The following SIN3A variants were observed in gnomAD, a reference collection of about 807,000 sequenced individuals.
SIN3A encodes SIN3 transcription regulator family member A, also known as paired amphipathic helix protein Sin3a.
Under a neutral mutation model 146.1 loss-of-function variants are expected in SIN3A, and 14 were observed. That is an observed-to-expected ratio of 0.10 (90% CI 0.06 to 0.15). SIN3A has a LOEUF of 0.15. Among genes scored for constraint, SIN3A ranks in the 10% least tolerant of loss-of-function variants. The pLI is 1.00. For missense variants in SIN3A, 1,028 were observed against 1,576.0 expected, an observed-to-expected ratio of 0.65 and a Z score of 5.89; for synonymous variants, 572 against 572.0, an observed-to-expected ratio of 1.00 and a Z score of 0.00.
chr15:75,413,109 A>G, intron 4 of SIN3A, 64 bp from the exon 5 acceptor site: 5 of 1,498,552 alleles, frequency 3.3e-6, no homozygotes, highest in Non-Finnish European at 4.5e-6. Flanking sequence ...TTAAGAAAAA[A>G]TTTCATGTTT....
At position 75,402,795 on chromosome 15, in the gene SIN3A, C is replaced by T. The variant is rs553557510; in HGVS notation, c.1408-825G>A. Among the ~76,000 whole-genome samples the T allele has an allele frequency of 5.9e-5, 9 of 152,014 alleles. 1 individual carries two copies. The highest frequency in any genetic ancestry group is 2.1e-4 in the South Asian group (1 of 4,810). The stretch of plus-strand genomic sequence containing the variant: ...GATTACAGGCATGTGCTACTACACC[C>T]GGATAATTTTTCTATTTTTAGTAGA... On this transcript the variant is annotated intron_variant, in intron 9 of 20. Coordinates refer to ENST00000394947, the MANE Select transcript of SIN3A (RefSeq NM_001145358.2).
chr15:75,416,838 C>T (rs1243480277), intron 3 of SIN3A, among the ~76,000 whole-genome samples: 2 of 152,142 alleles, frequency 1.3e-5, no homozygotes, highest in African/African-American at 4.8e-5. Context: ...AAATGGCAGC[C>T]CTCAAAAGAG....
upstream of SIN3A, among the ~76,000 whole-genome samples, chr15:75,452,654 G>A (rs1321931307): frequency 1.3e-5 from 2 of 152,202 alleles, no homozygotes; most frequent in Non-Finnish European, 2.9e-5. Context: ...CCAAAAGAGA[G>A]GCGGGCTCTA....
chr15:75,377,257 C>A (rs1176213825), intron 19 of SIN3A, among the ~76,000 whole-genome samples: 1 of 152,166 alleles, frequency 6.6e-6, no homozygotes, highest in African/African-American at 2.4e-5. Context: ...CTTCATGCGA[C>A]TGCAATTCAA....
At position 75,371,339 on chromosome 15, in the gene SIN3A, G is replaced by A. The variant is rs1048468717; in HGVS notation, c.*640C>T. ...AGGACAACTGATTTGAACTCGTTGAGGTTGAGAACCAGAGGAGAGAAAAGG... is the reference window on the plus strand; with the variant it reads ...AGGACAACTGATTTGAACTCGTTGAAGTTGAGAACCAGAGGAGAGAAAAGG... On this transcript the variant is annotated 3_prime_UTR_variant, in exon 21 of 21. Coordinates refer to ENST00000394947, the MANE Select transcript of SIN3A (RefSeq NM_001145358.2). 6.6e-6 allele frequency: 1 copy of A among 152,442 alleles called. No homozygotes were observed. Among genetic ancestry groups the A allele is most frequent in the African/African-American group, 2.4e-5 (1 of 41,412 alleles). 9.4% of individuals were successfully genotyped at this position (152,442 alleles called of 1,614,324 possible). A position where few individuals can be genotyped will look rare whatever the true frequency, so the allele number is the denominator to read the frequency against.
Position 75,401,973 on chromosome 15 carries a change from T to G in SIN3A, c.1408-3A>C. 1.9e-6 allele frequency: 3 copies of G among 1,574,688 alleles called. No homozygotes were observed. Among genetic ancestry groups the G allele is most frequent in the Non-Finnish European group, 2.6e-6 (3 of 1,146,450 alleles). On this transcript the variant is annotated splice_region_variant and splice_polypyrimidine_tract_variant and intron_variant, in intron 9 of 20. Transcript: ENST00000394947. ...GCACTCCGAAGAGCCTTTCGGACCT[T>G]ATGGAGACAACGGGAAGAAAAACAG... is the stretch of plus-strand genomic sequence containing the variant.
rs1405306625 is a variant in SIN3A at position 75,410,278 on chromosome 15, C to G, written c.1017G>C (p.Gln339His). ...LEILHTYQKEQRNAKEAGGNY... is the reference protein window; with the variant it reads ...LEILHTYQKEHRNAKEAGGNY... ...TTCCTCCAGCTTCCTTGGCATTTCTCTGCTCTTTCTGAGGAATTGCAAATG... is the reference window on the plus strand; with the variant it reads ...TTCCTCCAGCTTCCTTGGCATTTCTGTGCTCTTTCTGAGGAATTGCAAATG... The change falls in exon 7 of 21, where the codon CAG becomes CAC. Residue 339 changes from glutamine (Q) to histidine (H), a missense_variant. Around this residue, in one of 9 missense-constraint regions of SIN3A, gnomAD observed 14 missense variants for 54.4 expected, o/e 0.26. Coordinates refer to ENST00000394947, the MANE Select transcript of SIN3A (RefSeq NM_001145358.2). 1 of 1,612,150 alleles carries G rather than the reference C, an allele frequency of 6.2e-7. No individual in the cohort carries two copies.
At chr15:75,449,964 G>A (rs1304124933) in intron 1 of SIN3A, among the ~76,000 whole-genome samples, 1 of 152,010 alleles carries the variant, frequency 6.6e-6, no homozygotes, top group Non-Finnish European at 1.5e-5. Flanking sequence ...ATTTTTAGTA[G>A]AAACAGGGTT....
chr15:75,422,282 T>C (rs2073852718), intron 3 of SIN3A: 1 of 447,974 alleles, frequency 2.2e-6, no homozygotes, highest in Non-Finnish European at 3.9e-6. Context: ...GATATATTAC[T>C]GGGCCAATTT....
At chr15:75,403,747 T>A (rs1325885612) in intron 9 of SIN3A, among the ~76,000 whole-genome samples, 1 of 152,100 alleles carries the variant, frequency 6.6e-6, no homozygotes, top group South Asian at 2.1e-4. Flanking sequence ...GGTTTCACCA[T>A]GTTGGCCAGG....
chr15:75,440,092 A>C (rs1396995064), intron 1 of SIN3A, among the ~76,000 whole-genome samples: 1 of 151,600 alleles, frequency 6.6e-6, no homozygotes, highest in Non-Finnish European at 1.5e-5. Context: ...CGGAGGTTGC[A>C]GTGAGCCAAG....
At chr15:75,384,830 C>T (rs1456117434) in intron 16 of SIN3A, among the ~76,000 whole-genome samples, 2 of 152,190 alleles carry the variant, frequency 1.3e-5, no homozygotes, top group Non-Finnish European at 2.9e-5. Flanking sequence ...ATCTTCACAA[C>T]TGCCCTGGGA....
intron 3 of SIN3A, among the ~76,000 whole-genome samples, 181 bp from the exon 4 acceptor site, chr15:75,414,492 A>C (rs1203415745): frequency 3.3e-5 from 5 of 152,238 alleles, no homozygotes; most frequent in Admixed American, 3.3e-4. Flanking sequence ...TTAAAATAAT[A>C]ATCAACTCAT....
intron 4 of SIN3A, among the ~76,000 whole-genome samples, chr15:75,413,270 G>A (rs373460578): frequency 5.9e-5 from 9 of 151,932 alleles, no homozygotes; most frequent in African/African-American, 1.5e-4. Flanking sequence ...ACAGGCATGC[G>A]CCACCATACC....
At chr15:75,439,196 A>G (rs543650773) in intron 1 of SIN3A, among the ~76,000 whole-genome samples, 95 of 152,302 alleles carry the variant, frequency 6.2e-4, no homozygotes, top group African/African-American at 2.1e-3. Flanking sequence ...AATGCTACTG[A>G]TATCTCACAG....
At chr15:75,397,953 A>G (rs1267638953) in intron 12 of SIN3A, among the ~76,000 whole-genome samples, 1 of 152,194 alleles carries the variant, frequency 6.6e-6, no homozygotes, top group Non-Finnish European at 1.5e-5. Flanking sequence ...CTTTCTGCAA[A>G]TAGGTGCAAC....
rs2072737151 is a variant in SIN3A, at chr15:75,370,863, A to G, written c.*1116T>C. 6.6e-6 allele frequency: 1 copy of G among 152,366 alleles called. No individual in the cohort carries two copies. The highest frequency in any genetic ancestry group is 2.1e-4 in the South Asian group (1 of 4,830). The allele number at this position is 152,366 out of a possible 1,614,324, so 9.4% of individuals were successfully genotyped here. A position where few individuals can be genotyped will look rare whatever the true frequency, so the allele number is the denominator to read the frequency against. ...ATCCTGTTTCTACCCTGGATAAGGA[A>G]CTGAAGTCAAAATCCCTGCTTCACA... On this transcript the variant is annotated 3_prime_UTR_variant, in exon 21 of 21. Transcript: ENST00000394947.
At chr15:75,395,406 C>T (rs1394394101) in intron 13 of SIN3A, among the ~76,000 whole-genome samples, 1 of 152,098 alleles carries the variant, frequency 6.6e-6, no homozygotes, top group African/African-American at 2.4e-5. Context: ...GAAGAAGAAA[C>T]CATCAATCTG....
rs2072973385 is a variant in SIN3A, at chr15:75,381,668, G to C, written c.3233C>G (p.Thr1078Ser). Residue 1078 changes from threonine to serine, a missense_variant, in exon 18 of 21, where the codon ACT (threonine) becomes AGT (serine). By Grantham distance (58) the Thr-to-Ser change is moderately conservative. Coordinates refer to ENST00000394947, the MANE Select transcript of SIN3A (RefSeq NM_001145358.2). ...FIQSQGQVQL[T>S]IELLDTEEEN... ...CTCTTCTGTGTCCAGAAGCTCAATA[G>C]TCAGCTGGACCTGGCCTTGGCTCTG... 1.9e-6 allele frequency: 3 copies of C among 1,613,844 alleles called. No homozygotes were observed. The highest frequency in any genetic ancestry group is 1.7e-5 in the Admixed American group (1 of 59,968).
Sources: allele counts gnomAD v4.1 joint callset (sites outside exome capture counted in the v4.1 genomes callset), GRCh38; gene constraint gnomAD v4.1.1; regional missense constraint gnomAD v4.1.1; transcripts MANE v1.5; gene names NCBI Gene and HGNC (gene_info 2026-07-23, HGNC 2026-07-21).